Variants in ROBO1 observed in about 807,000 individuals in gnomAD.
ROBO1 encodes the protein roundabout homolog 1.
Under a neutral mutation model 195.9 loss-of-function variants are expected in ROBO1, and 149 were observed. The ratio of observed to expected loss-of-function variants is 0.76; its 90% CI spans 0.67 to 0.87. The LOEUF is 0.87. Among genes scored for constraint, ROBO1 ranks in the 40% least tolerant of loss-of-function variants. ROBO1 has a pLI of 0.00. For missense variants in ROBO1, 1,933 were observed against 2,068.3 expected (o/e 0.93, Z 1.27); for synonymous variants, 816 against 733.2 (o/e 1.11, Z -1.82).
intron 2 of ROBO1, among the ~76,000 whole-genome samples, chr3:79,318,795 A>G (rs1181258921): frequency 6.6e-6 from 1 of 152,204 alleles, no homozygotes; most frequent in Non-Finnish European, 1.5e-5. Context: ...TTAAAGGAAT[A>G]TTTTTGATGG....
intron 2 of ROBO1, among the ~76,000 whole-genome samples, chr3:79,488,687 T>C (rs1207653330): frequency 1.3e-5 from 2 of 152,180 alleles, no homozygotes; most frequent in African/African-American, 2.4e-5. Context: ...TTATAAATAC[T>C]CTCTGATATT....
intron 3 of ROBO1, among the ~76,000 whole-genome samples, chr3:79,115,928 A>G (rs1434761974): frequency 6.6e-6 from 1 of 152,234 alleles, no homozygotes. Flanking sequence ...GAAAGGACTG[A>G]AGATAGGCTG....
chr3:78,716,505 C>A (rs2108066837), intron 7 of ROBO1, among the ~76,000 whole-genome samples: 1 of 152,280 alleles, frequency 6.6e-6, no homozygotes. Flanking sequence ...TCATCTCCAA[C>A]TGATTCCACT....
intron 8 of ROBO1, among the ~76,000 whole-genome samples, chr3:78,694,407 A>G (rs1575951665): frequency 6.6e-6 from 1 of 152,226 alleles, no homozygotes; most frequent in Non-Finnish European, 1.5e-5. Flanking sequence ...TAAGTGGTAC[A>G]GTTATAAAGC....
At chr3:79,674,827 C>CGTGT (rs151094387) in intron 1 of ROBO1, among the ~76,000 whole-genome samples, 848 of 61,912 alleles carry the variant, frequency 0.014, 5 homozygotes, top group African/African-American at 0.046. Flanking sequence ...TATTTATATC[C>CGTGT]GTGTGTGTGT....
chr3:79,549,381 G>A (rs1576006976), intron 2 of ROBO1, among the ~76,000 whole-genome samples: 1 of 152,088 alleles, frequency 6.6e-6, no homozygotes, highest in East Asian at 1.9e-4. Context: ...CATCTTATGA[G>A]AGCACTCAGA....
rs571589829 is a variant in ROBO1 at position 79,125,002 on chromosome 3, G to A, written c.172+454C>T. ...CACAATCCAAAGATGTAAGTTGGTG[G>A]TTATGAATTACATCGCTCTAAGAGT... On this transcript the variant is annotated intron_variant, in intron 3 of 30. Coordinates refer to ENST00000464233, the MANE Select transcript of ROBO1 (RefSeq NM_002941.4). Among the ~76,000 whole-genome samples the A allele has an allele frequency of 1.6e-3, 244 of 152,026 alleles. 2 individuals carry two copies. Among genetic ancestry groups the A allele is most frequent in the African/African-American group, 5.3e-3 (221 of 41,488 alleles).
chr3:78,820,784 T>C (rs766501692), intron 4 of ROBO1, among the ~76,000 whole-genome samples: 16 of 152,196 alleles, frequency 1.1e-4, no homozygotes, highest in Admixed American at 5.2e-4. Context: ...CTGACTCTTA[T>C]ATCATTCACA....
rs1407121023 is a variant in ROBO1 at position 79,688,013 on chromosome 3, A to G, written c.-51+79739T>C. 3.9e-5 allele frequency among the ~76,000 whole-genome samples: 6 copies of G among 152,096 alleles called. No homozygotes were observed. In the South Asian group the frequency reaches 1.2e-3, roughly 32 times the overall value. ...AGACTGGATTAAGAAAATGTGGCAC[A>G]TATACACCATGGAATCTATGCAGCC... On this transcript the variant is annotated intron_variant, in intron 1 of 30. Coordinates refer to ENST00000464233, the MANE Select transcript of ROBO1 (RefSeq NM_002941.4).
intron 3 of ROBO1, among the ~76,000 whole-genome samples, chr3:79,031,537 T>A (rs775164981): frequency 2.0e-5 from 3 of 152,212 alleles, no homozygotes; most frequent in African/African-American, 7.2e-5. Flanking sequence ...AGAATACAAA[T>A]GTCCATCTCT....
intron 2 of ROBO1, among the ~76,000 whole-genome samples, chr3:79,379,492 A>G (rs1054644959): frequency 1.3e-5 from 2 of 152,232 alleles, no homozygotes; most frequent in Admixed American, 6.5e-5. Flanking sequence ...ATGAAAAGGT[A>G]TAAGTATACC....
chr3:78,682,159 G>C (rs991012291), intron 10 of ROBO1, among the ~76,000 whole-genome samples: 1 of 151,916 alleles, frequency 6.6e-6, no homozygotes, highest in Admixed American at 6.6e-5. Flanking sequence ...TTTCCCCCCT[G>C]AAGTTAGGAT....
chr3:78,864,754 T>C (rs959696925), intron 4 of ROBO1, among the ~76,000 whole-genome samples: 62 of 151,994 alleles, frequency 4.1e-4, no homozygotes, highest in African/African-American at 1.3e-3. Flanking sequence ...TGTTCTTTTG[T>C]AGAACTTTTT....
chr3:78,714,853 T>C (rs1209965603), intron 7 of ROBO1: 1 of 195,618 alleles, frequency 5.1e-6, no homozygotes, highest in Non-Finnish European at 1.0e-5. Context: ...ACTTTAAATG[T>C]TTTATAGATT....
rs1313756081 is a variant in ROBO1 at position 79,660,786 on chromosome 3, C to G, written c.-50-70825G>C. On this transcript the variant is annotated intron_variant, in intron 1 of 30. Transcript: ENST00000464233. ...CCCAAATGGGCACGTACAGCAACCT[C>G]AGCCTGAAAAGCACAATGACCTTAG... Among the ~76,000 whole-genome samples the G allele has an allele frequency of 2.6e-5, 4 of 152,102 alleles. No individual in the cohort carries two copies. In the East Asian group the frequency reaches 7.8e-4, roughly 29 times the overall value.
At position 79,302,052 on chromosome 3, in the gene ROBO1, G is replaced by A. The variant is rs146895199; in HGVS notation, c.89-176513C>T. 3.1e-3 allele frequency among the ~76,000 whole-genome samples: 473 copies of A among 152,216 alleles called. 3 individuals carry two copies. The highest frequency in any genetic ancestry group is 0.011 in the African/African-American group (437 of 41,532). The stretch of plus-strand genomic sequence containing the variant: ...AGAAGATAAGTAAAACGGTAAATGA[G>A]AACAGATACACCACATAGGGTGTAT... On this transcript the variant is annotated intron_variant, in intron 2 of 30. Transcript: ENST00000464233.
intron 3 of ROBO1, among the ~76,000 whole-genome samples, chr3:79,084,328 G>A (rs879458769): frequency 3.9e-5 from 6 of 151,968 alleles, no homozygotes; most frequent in Admixed American, 6.6e-5. Flanking sequence ...GAGAAACCCC[G>A]TCTCTACTAA....
chr3:78,938,627 C>T lies in ROBO1; in HGVS notation c.473G>A (p.Ser158Asn), dbSNP rs778562571. The T allele has an allele frequency of 6.2e-7, 1 of 1,612,460 alleles. No individual in the cohort carries two copies. Among genetic ancestry groups the T allele is most frequent in the Non-Finnish European group, 8.5e-7 (1 of 1,178,744 alleles). Residue 158 changes from serine (S) to asparagine (N), a missense_variant, in exon 4 of 31, where the codon AGC becomes AAC. By Grantham distance (46) the Ser-to-Asn change is conservative (BLOSUM62 1). Coordinates refer to ENST00000464233, the MANE Select transcript of ROBO1 (RefSeq NM_002941.4). ...GGCTACTTCCAGCGATGCATTGTGG[C>T]TCACAGCCTCTCCAAGGTAATTCCT... ...VARNYLGEAV[S>N]HNASLEVAIL...
chr3:79,474,342 G>T (rs1938436857), intron 2 of ROBO1, among the ~76,000 whole-genome samples: 1 of 152,108 alleles, frequency 6.6e-6, no homozygotes, highest in Non-Finnish European at 1.5e-5. Context: ...AATCTGTGAA[G>T]CATGATGGCT....
Sources: allele counts gnomAD v4.1 joint callset (sites outside exome capture counted in the v4.1 genomes callset), GRCh38; gene constraint gnomAD v4.1.1; transcripts MANE v1.5; gene names NCBI Gene and HGNC (gene_info 2026-07-23, HGNC 2026-07-21).